CHORDC1: variants seen among roughly 807,000 people sequenced by gnomAD.
CHORDC1 encodes the protein cysteine and histidine-rich domain-containing protein 1.
A neutral mutation model predicts 48.3 loss-of-function variants in CHORDC1; 25 were observed. That is an observed-to-expected ratio of 0.52 (90% CI 0.38 to 0.72). The LOEUF (loss-of-function observed/expected upper bound fraction) is 0.72. CHORDC1 is among the 30% of genes least tolerant of loss of function. The pLI is 0.00. For synonymous variants in CHORDC1, 128 were observed against 126.4 expected (o/e 1.01, Z -0.09); for missense variants, 317 against 388.7 (o/e 0.82, Z 1.55).
chr11:90,214,201 G>T, intron 3 of CHORDC1, 26 bp from the exon 4 acceptor site: 1 of 1,516,256 alleles, frequency 6.6e-7, no homozygotes, highest in Non-Finnish European at 8.9e-7. Flanking sequence ...AATTCATTAA[G>T]AGCTATCTAT....
chr11:90,209,895 TAATACTTAGAATAAAGCCCA>T (rs974296186), intron 6 of CHORDC1, among the ~76,000 whole-genome samples: 4 of 152,196 alleles, frequency 2.6e-5, no homozygotes, highest in Non-Finnish European at 5.9e-5. Flanking sequence ...TAGCTTCTCC[TAATACTTAGAATAAAGCCCA>T]AATACCTCAT....
intron 1 of CHORDC1, among the ~76,000 whole-genome samples, chr11:90,218,723 G>C (rs1425000323): frequency 1.3e-5 from 2 of 152,076 alleles, no homozygotes; most frequent in African/African-American, 2.4e-5. Context: ...AAGAAGACTA[G>C]GGTGCCTCTG....
intron 4 of CHORDC1, 27 bp downstream of exon 4, chr11:90,213,990 CA>C: frequency 6.4e-7 from 1 of 1,566,276 alleles, no homozygotes; most frequent in African/African-American, 1.4e-5. Flanking sequence ...TCAAGTGTGA[CA>C]AAAATATGTA....
chr11:90,211,165 G>T, intron 5 of CHORDC1, 50 bp downstream of exon 5: 1 of 1,267,858 alleles, frequency 7.9e-7, no homozygotes, highest in Non-Finnish European at 1.1e-6. Flanking sequence ...TTGGATAACT[G>T]CTTAACTGTA....
At position 90,205,514 on chromosome 11, in the gene CHORDC1, G is replaced by A; in HGVS notation, c.615C>T (p.Phe205=). The A allele has an allele frequency of 6.2e-7, 1 of 1,604,244 alleles. No individual in the cohort carries two copies. Among genetic ancestry groups the A allele is most frequent in the Non-Finnish European group, 8.5e-7 (1 of 1,177,458 alleles). Reference sequence around the variant, plus strand: ...CTTTTGTACAGCCCTCTTGGGCTAAGAATGTATTAAAATCAGAAGTTTTTC... The same window carrying A: ...CTTTTGTACAGCCCTCTTGGGCTAAAAATGTATTAAAATCAGAAGTTTTTC... ...CRRKTSDFNT[F]LAQEGCTKGK... Residue 205 remains phenylalanine, a synonymous_variant, in exon 8 of 11, where the codon TTC becomes TTT. Transcript: ENST00000320585.
intron 1 of CHORDC1, among the ~76,000 whole-genome samples, chr11:90,220,649 A>G (rs755244474): frequency 6.6e-6 from 1 of 152,240 alleles, no homozygotes. Flanking sequence ...ACTGCTTTCA[A>G]AAACAAGAAG....
At chr11:90,210,396 A>G (rs1857827079) in intron 6 of CHORDC1, 140 bp downstream of exon 6, 1 of 617,474 alleles carries the variant, frequency 1.6e-6, no homozygotes, top group South Asian at 2.1e-5. Context: ...TCTCTTATCC[A>G]TGATTGTAGC....
At chr11:90,214,266 T>C (rs929010681) in intron 3 of CHORDC1, 91 bp from the exon 4 acceptor site, 3 of 991,472 alleles carry the variant, frequency 3.0e-6, no homozygotes, top group Non-Finnish European at 4.2e-6. Flanking sequence ...ATAGTGATTC[T>C]ATTTCATGTT....
intron 1 of CHORDC1, among the ~76,000 whole-genome samples, chr11:90,221,048 T>C (rs11018923): frequency 0.16 from 23,990 of 151,790 alleles, 2,162 homozygotes; most frequent in East Asian, 0.27. Context: ...AAAAAAATCA[T>C]GAGACTATAA....
At position 90,222,968 on chromosome 11, in the gene CHORDC1, C is replaced by A. The variant is rs768976635; in HGVS notation, c.-14G>T. 6 of 1,611,706 alleles carry A rather than the reference C, an allele frequency of 3.7e-6. No individual in the cohort carries two copies. The African/African-American group carries it at 6.7e-5, about 18-fold the overall frequency. Reference sequence around the variant, plus strand: ...CAGCAAGGCCATTTTCTTTTCCCACCGTCACAGGCAAGGCCCAAACACCGG... The same window carrying A: ...CAGCAAGGCCATTTTCTTTTCCCACAGTCACAGGCAAGGCCCAAACACCGG... On this transcript the variant is annotated 5_prime_UTR_variant, in exon 1 of 11. Coordinates refer to ENST00000320585, the MANE Select transcript of CHORDC1 (RefSeq NM_012124.3).
chr11:90,215,779 T>TTTTTGAACAAACTATCA (rs1376011367), intron 2 of CHORDC1, among the ~76,000 whole-genome samples: 1 of 152,044 alleles, frequency 6.6e-6, no homozygotes, highest in African/African-American at 2.4e-5. Context: ...GTATTTGTGA[T>TTTTTGAACAAACTATCA]TTTTGAACAA....
chr11:90,200,539 G>A lies in CHORDC1; in HGVS notation c.*1866C>T, dbSNP rs1857521054. ...TGTCCCTTTATGTATGAGTCTAAGAGAAATATTCGGATTTTTATCTGGACA... is the reference window on the plus strand; with the variant it reads ...TGTCCCTTTATGTATGAGTCTAAGAAAAATATTCGGATTTTTATCTGGACA... On this transcript the variant is annotated 3_prime_UTR_variant, in exon 11 of 11. Coordinates refer to ENST00000320585, the MANE Select transcript of CHORDC1 (RefSeq NM_012124.3). Among the ~76,000 whole-genome samples, 1 of 151,380 alleles carries A rather than the reference G, an allele frequency of 6.6e-6. No homozygotes were observed. Among genetic ancestry groups the A allele is most frequent in the Non-Finnish European group, 1.5e-5 (1 of 67,558 alleles).
At chr11:90,207,459 G>C (rs1175330554) in intron 6 of CHORDC1, 1 of 152,034 alleles carries the variant, frequency 6.6e-6, no homozygotes, top group Non-Finnish European at 1.5e-5. Flanking sequence ...GAAAGCACTA[G>C]TCATAAACAA....
chr11:90,208,213 C>T (rs1857758156), intron 6 of CHORDC1: 1 of 152,164 alleles, frequency 6.6e-6, no homozygotes, highest in Admixed American at 6.6e-5. Flanking sequence ...GGGTGGATCA[C>T]CTGAGGTTCA....
At chr11:90,214,262 A>T in intron 3 of CHORDC1, 87 bp from the exon 4 acceptor site, 2 of 999,848 alleles carry the variant, frequency 2.0e-6, no homozygotes, top group Non-Finnish European at 2.8e-6. Context: ...ATTGATAGTG[A>T]TTCTATTTCA....
intron 9 of CHORDC1, 75 bp downstream of exon 9, chr11:90,203,233 A>G (rs1857584779): frequency 1.5e-6 from 2 of 1,358,448 alleles, no homozygotes; most frequent in East Asian, 2.3e-5. Flanking sequence ...GATATAAACA[A>G]TACTTTAAAA....
At chr11:90,220,676 A>G (rs1400012756) in intron 1 of CHORDC1, among the ~76,000 whole-genome samples, 1 of 152,204 alleles carries the variant, frequency 6.6e-6, no homozygotes, top group Non-Finnish European at 1.5e-5. Flanking sequence ...GCAAATGGAC[A>G]TTCTTCATTC....
At chr11:90,202,626 T>G in intron 10 of CHORDC1, 75 bp from the exon 11 acceptor site, 2 of 1,522,680 alleles carry the variant, frequency 1.3e-6, no homozygotes, top group South Asian at 2.5e-5. Flanking sequence ...CAGACTTGCT[T>G]ATGCCAATAA....
chr11:90,203,468 C>T (rs370346113), intron 8 of CHORDC1, 41 bp from the exon 9 acceptor site: 114 of 1,487,378 alleles, frequency 7.7e-5, no homozygotes, highest in Middle Eastern at 1.8e-4. Context: ...AAAAGTGCCA[C>T]ATAATTAATT....
Sources: gnomAD v4.1 joint callset for allele counts (sites outside exome capture counted in the v4.1 genomes callset) on GRCh38, gnomAD v4.1.1 for gene constraint, MANE v1.5 for transcripts, NCBI Gene and HGNC (gene_info 2026-07-23, HGNC 2026-07-21) for gene names.